The following KIF1A variants were observed in gnomAD, a reference collection of about 807,000 sequenced individuals.
KIF1A encodes kinesin-like protein KIF1A.
KIF1A carries 46 observed loss-of-function variants against 227.3 expected under a neutral mutation model. That is an observed-to-expected ratio of 0.20 (90% CI 0.16 to 0.26). KIF1A has a LOEUF of 0.26. Ranked by LOEUF, KIF1A falls within the 10% of genes least tolerant of loss-of-function variation. KIF1A has a pLI of 1.00. For missense variants in KIF1A, 1,683 were observed against 2,485.9 expected (o/e 0.68, Z 6.87); for synonymous variants, 1,022 against 1,012.8 (o/e 1.01, Z -0.17).
Position 240,772,614 on chromosome 2 carries a change from G to T in KIF1A, c.1181-18C>A. 1 of 1,532,976 alleles carries T rather than the reference G, an allele frequency of 6.5e-7. No individual in the cohort carries two copies. Among genetic ancestry groups the T allele is most frequent in the Non-Finnish European group, 8.8e-7 (1 of 1,131,294 alleles). 95.0% of individuals were successfully genotyped at this position (1,532,976 alleles called of 1,614,324 possible). ...AGTGTTGGCTATGGGGGAGGGAAGC[G>T]TGGGGGAGGGGGAGAGACAGAGAAA... On this transcript the variant is annotated intron_variant, in intron 13 of 48. Transcript: ENST00000498729.
chr2:240,743,711 T>C (rs1372086330), intron 33 of KIF1A, among the ~76,000 whole-genome samples: 1 of 152,118 alleles, frequency 6.6e-6, no homozygotes, highest in Non-Finnish European at 1.5e-5. Flanking sequence ...GGTCAAGCAA[T>C]GCTCACAAGG....
chr2:240,725,218 C>A lies in KIF1A; in HGVS notation c.4256+53G>T. 6.4e-7 allele frequency: 1 copy of A among 1,552,726 alleles called. No homozygotes were observed. Among genetic ancestry groups the A allele is most frequent in the Non-Finnish European group, 8.7e-7 (1 of 1,149,020 alleles). On this transcript the variant is annotated intron_variant, in intron 40 of 48. Coordinates refer to ENST00000498729, the MANE Select transcript of KIF1A (RefSeq NM_001244008.2). The surrounding 1 kb of genome is among the most constrained non-coding windows in gnomAD (Gnocchi z 5.8). Reference sequence around the variant, plus strand: ...GCTGCCAGGCAGAGCCCTGCCTGGCCCGCACCGAGACCAGGGTGGGAGTCC... The same window carrying A: ...GCTGCCAGGCAGAGCCCTGCCTGGCACGCACCGAGACCAGGGTGGGAGTCC...
chr2:240,748,507 G>GGCTC (rs778175404), intron 28 of KIF1A, among the ~76,000 whole-genome samples: 110 of 151,986 alleles, frequency 7.2e-4, no homozygotes, highest in Non-Finnish European at 1.3e-3. Flanking sequence ...TGCTCAGGAT[G>GGCTC]GCTCCGCTCA....
At chr2:240,812,474 C>CA (rs1333382378) in intron 1 of KIF1A, among the ~76,000 whole-genome samples, 1 of 151,602 alleles carries the variant, frequency 6.6e-6, no homozygotes, top group Non-Finnish European at 1.5e-5. Flanking sequence ...ACCTCAGGGG[C>CA]CCGCCTTTAC....
Position 240,793,634 on chromosome 2 carries a change from A to C in KIF1A, c.106+4013T>G, listed in dbSNP as rs540637461. On this transcript the variant is annotated intron_variant, in intron 2 of 48. Transcript: ENST00000498729. This position sits in a 1 kb window ranked among gnomAD's most constrained non-coding sequence, Gnocchi z 4.8. Reference sequence around the variant, plus strand: ...CACTAGCTCTGCCAGGTCGGACCGAAGTGCACCTAATGGACAGCTCAGCTG... The same window carrying C: ...CACTAGCTCTGCCAGGTCGGACCGACGTGCACCTAATGGACAGCTCAGCTG... 1.3e-5 allele frequency among the ~76,000 whole-genome samples: 2 copies of C among 152,326 alleles called. No homozygotes were observed. The highest frequency in any genetic ancestry group is 2.9e-5 in the Non-Finnish European group (2 of 68,022).
chr2:240,773,883 C>A (rs1047752367), intron 12 of KIF1A, among the ~76,000 whole-genome samples: 1 of 152,194 alleles, frequency 6.6e-6, no homozygotes, highest in African/African-American at 2.4e-5. Flanking sequence ...GTTACCCCGG[C>A]CGGCAGGTGA....
intron 10 of KIF1A, among the ~76,000 whole-genome samples, chr2:240,776,667 C>A (rs1295676889): frequency 6.6e-6 from 1 of 152,268 alleles, no homozygotes. Flanking sequence ...CTTCCAATGT[C>A]TACTGGTTCA....
intron 10 of KIF1A, among the ~76,000 whole-genome samples, chr2:240,779,797 G>A (rs1178027864): frequency 2.0e-5 from 3 of 152,096 alleles, no homozygotes; most frequent in East Asian, 1.9e-4. Context: ...TGGCTGACAC[G>A]CTTCCTCGCA....
At position 240,786,664 on chromosome 2, in the gene KIF1A, G is replaced by A. The variant is rs78293685; in HGVS notation, c.430-151C>T. Among the ~76,000 whole-genome samples the A allele has an allele frequency of 0.016, 1,176 of 75,344 alleles. 1 individual carries two copies. Among genetic ancestry groups the A allele is most frequent in the East Asian group, 0.035 (68 of 1,924 alleles). 49.4% of individuals were successfully genotyped at this position (75,344 alleles called of 152,430 possible). ...CATCAGGACCCCTGAGTGAGGGGGTGGGGGCCACCACCAGGACCCCTGAGG... is the reference window on the plus strand; with the variant it reads ...CATCAGGACCCCTGAGTGAGGGGGTAGGGGCCACCACCAGGACCCCTGAGG... On this transcript the variant is annotated intron_variant, in intron 5 of 48. Transcript: ENST00000498729.
At position 240,771,010 on chromosome 2, in the gene KIF1A, C is replaced by G; in HGVS notation, c.1302G>C (p.Leu434Phe). The G allele has an allele frequency of 1.2e-6, 2 of 1,612,936 alleles. No homozygotes were observed. The highest frequency in any genetic ancestry group is 8.5e-7 in the Non-Finnish European group (1 of 1,179,842). ...ASVSSLHERI[L>F]FAPGSEEAIE... ...TGGCCTCCTCGCTGCCCGGGGCAAA[C>G]AAGATGCGCTCGTGGAGGCTGGACA... Residue 434 changes from leucine to phenylalanine, a missense_variant, in exon 15 of 49, where the codon TTG becomes TTC. Leu to Phe is a conservative substitution (Grantham distance 22). Transcript: ENST00000498729.
chr2:240,764,513 C>T (rs1164358365), intron 20 of KIF1A, among the ~76,000 whole-genome samples: 1 of 152,138 alleles, frequency 6.6e-6, no homozygotes, highest in African/African-American at 2.4e-5. Flanking sequence ...CTCCTGAGTC[C>T]CGAAGACTCC....
chr2:240,807,130 G>GTATATATATATA (rs57742435), intron 1 of KIF1A, among the ~76,000 whole-genome samples: 10 of 119,492 alleles, frequency 8.4e-5, no homozygotes, highest in African/African-American at 2.7e-4. Flanking sequence ...GTGTGTGTGT[G>GTATATATATATA]TATATATATA....
chr2:240,814,930 A>C (rs1170037064), intron 1 of KIF1A, among the ~76,000 whole-genome samples: 1 of 152,238 alleles, frequency 6.6e-6, no homozygotes, highest in Non-Finnish European at 1.5e-5. Flanking sequence ...AATGAAATAA[A>C]ATAAAGATAA....
At chr2:240,738,734 G>A (rs1238062309) in intron 37 of KIF1A, among the ~76,000 whole-genome samples, 2 of 152,224 alleles carry the variant, frequency 1.3e-5, no homozygotes, top group Admixed American at 6.5e-5. Flanking sequence ...GGCCTTTTTA[G>A]AAAGAAGGTG....
intron 5 of KIF1A, among the ~76,000 whole-genome samples, chr2:240,786,738 T>TCA (rs2054883165): frequency 3.3e-4 from 8 of 23,994 alleles, no homozygotes; most frequent in Non-Finnish European, 6.5e-4. Context: ...GGGGGCTGCC[T>TCA]GCTGGGCCCC....
Position 240,736,631 on chromosome 2 carries a change from G to C in KIF1A, c.4007+432C>G, listed in dbSNP as rs970974510. 2.0e-5 allele frequency among the ~76,000 whole-genome samples: 3 copies of C among 152,196 alleles called. No homozygotes were observed. The highest frequency in any genetic ancestry group is 4.4e-5 in the Non-Finnish European group (3 of 68,028). ...AGCAGCCTGGTGATGAGGGGCCTGT[G>C]CCAAGCAGTGCCTATGGGCGCCCAC... On this transcript the variant is annotated intron_variant, in intron 38 of 48. Transcript: ENST00000498729. The surrounding 1 kb of genome is among the most constrained non-coding windows in gnomAD (Gnocchi z 4.7).
At position 240,774,230 on chromosome 2, in the gene KIF1A, G is replaced by A; in HGVS notation, c.990C>T (p.Ala330=). 1 of 1,611,876 alleles carries A rather than the reference G, an allele frequency of 6.2e-7. No individual in the cohort carries two copies. The highest frequency in any genetic ancestry group is 8.5e-7 in the Non-Finnish European group (1 of 1,178,414). ...GGNSRTAMVA[A]LSPADINYDE... is the part of the protein sequence containing the mutation. ...CGTAGTTGATGTCTGCAGGACTCAA[G>A]GCTGCCACCATAGCTGTCCTTGAGT... The change falls in exon 12 of 49, where the codon GCC becomes GCT. Residue 330 remains alanine (A), a synonymous_variant. Transcript: ENST00000498729.
intron 17 of KIF1A, among the ~76,000 whole-genome samples, chr2:240,767,566 C>T (rs2051367202): frequency 6.6e-6 from 1 of 152,230 alleles, no homozygotes; most frequent in South Asian, 2.1e-4. Context: ...GCCGGTGGGA[C>T]CCGACCACCC....
intron 38 of KIF1A, among the ~76,000 whole-genome samples, chr2:240,732,407 A>T (rs540815775): frequency 7.5e-6 from 1 of 133,980 alleles, no homozygotes; most frequent in African/African-American, 2.8e-5. Context: ...AGGCATGATT[A>T]GGGCGTAAGG....
Sources: gnomAD v4.1 joint callset for allele counts (sites outside exome capture counted in the v4.1 genomes callset) on GRCh38, gnomAD v4.1.1 for gene constraint, Gnocchi (gnomAD v3.1) non-coding constraint, MANE v1.5 for transcripts, NCBI Gene and HGNC (gene_info 2026-07-23, HGNC 2026-07-21) for gene names.